Variants in ANKFN1 observed in about 807,000 individuals in gnomAD.
ANKFN1 encodes the protein ankyrin repeat and fibronectin type-III domain-containing protein 1.
Under a neutral mutation model 108.7 loss-of-function variants are expected in ANKFN1, and 74 were observed. The ratio of observed to expected loss-of-function variants is 0.68; its 90% CI spans 0.56 to 0.83. The LOEUF (loss-of-function observed/expected upper bound fraction) is 0.83, where lower values mean the gene tolerates loss of function less well. Among genes scored for constraint, ANKFN1 ranks in the 40% least tolerant of loss-of-function variants. The pLI is 0.00. For synonymous variants in ANKFN1, 547 were observed against 516.2 expected (o/e 1.06, Z -0.81); for missense variants, 1,505 against 1,382.3 (o/e 1.09, Z -1.41).
chr17:56,375,321 A>G (rs1435609553), intron 8 of ANKFN1, among the ~76,000 whole-genome samples: 1 of 152,204 alleles, frequency 6.6e-6, no homozygotes, highest in Admixed American at 6.5e-5. Flanking sequence ...CAACACAGGT[A>G]TAAAACCAAG....
intron 8 of ANKFN1, among the ~76,000 whole-genome samples, chr17:56,377,407 A>T (rs1425334690): frequency 6.6e-6 from 1 of 152,176 alleles, no homozygotes; most frequent in Non-Finnish European, 1.5e-5. Context: ...ATCAATTTCC[A>T]CATCAAACCT....
Position 56,076,735 on chromosome 17 carries a change from G to A in ANKFN1, c.288+30410G>A, listed in dbSNP as rs184641849. 6.7e-4 allele frequency among the ~76,000 whole-genome samples: 102 copies of A among 152,142 alleles called. 1 individual carries two copies. The highest frequency in any genetic ancestry group is 2.3e-3 in the African/African-American group (97 of 41,486). On this transcript the variant is annotated intron_variant, in intron 4 of 12. Coordinates refer to the ANKFN1 transcript ENST00000635860. Reference sequence around the variant, plus strand: ...AAGTAACTTTTGTAATGCAACCAGCGTACTATTTGATACAATTTAATAATT... The same window carrying A: ...AAGTAACTTTTGTAATGCAACCAGCATACTATTTGATACAATTTAATAATT...
upstream of ANKFN1, among the ~76,000 whole-genome samples, chr17:56,149,684 T>A (rs1033707391): frequency 6.6e-5 from 10 of 152,318 alleles, no homozygotes; most frequent in East Asian, 1.9e-3. Flanking sequence ...ATGAGAAGCC[T>A]TGAGGTTATG....
At chr17:56,422,162 T>G (rs2048424922) in intron 8 of ANKFN1, among the ~76,000 whole-genome samples, 1 of 152,194 alleles carries the variant, frequency 6.6e-6, no homozygotes, top group African/African-American at 2.4e-5. Context: ...TGTGCATAAA[T>G]TATGCATTTT....
chr17:56,105,700 G>GT (rs1905735515), intron 4 of ANKFN1, among the ~76,000 whole-genome samples: 2 of 113,386 alleles, frequency 1.8e-5, no homozygotes, highest in Admixed American at 2.0e-4. Flanking sequence ...GAGTTTTGGG[G>GT]GTTTTTTTGT....
intron 14 of ANKFN1, among the ~76,000 whole-genome samples, chr17:56,459,920 T>C (rs888693703): frequency 2.6e-5 from 4 of 152,176 alleles, no homozygotes; most frequent in Non-Finnish European, 5.9e-5. Flanking sequence ...ATTTCCTTCC[T>C]TGACCAGCTT....
rs1367430426 is a variant in ANKFN1 at position 56,513,062 on chromosome 17, AG to A, written c.*1795del. Among the ~76,000 whole-genome samples, 1 of 152,220 alleles carries A rather than the reference AG, an allele frequency of 6.6e-6. No individual in the cohort carries two copies. The highest frequency in any genetic ancestry group is 1.5e-5 in the Non-Finnish European group (1 of 68,054). ...AATTTATCTAAGTCCGTGGGTTTGC[AG>A]GTAGGGCAATTAAGACCCAGAGAGG... is the stretch of plus-strand genomic sequence containing the variant. On this transcript the variant is annotated 3_prime_UTR_variant, in exon 21 of 21. Coordinates refer to ENST00000682825, the MANE Select transcript of ANKFN1 (RefSeq NM_001370326.1).
intron 1 of ANKFN1, among the ~76,000 whole-genome samples, chr17:56,201,671 G>GAA (rs200036417): frequency 2.6e-4 from 38 of 145,972 alleles, no homozygotes; most frequent in East Asian, 6.0e-4. Context: ...TGTTATTTGT[G>GAA]AAAAAAAAAA....
At chr17:56,375,495 G>C (rs2046921588) in intron 8 of ANKFN1, among the ~76,000 whole-genome samples, 1 of 152,190 alleles carries the variant, frequency 6.6e-6, no homozygotes, top group Non-Finnish European at 1.5e-5. Flanking sequence ...TCGAAATTAA[G>C]GCTAGGGAGT....
Position 56,467,775 on chromosome 17 carries a change from G to A in ANKFN1, c.1773+1204G>A, listed in dbSNP as rs1179338335. On this transcript the variant is annotated intron_variant, in intron 15 of 20. Transcript: ENST00000682825. Reference sequence around the variant, plus strand: ...AGAAAGAAAGAAAGAAAGAAAGAAAGAAAGAAAGAAAGAAAGAAGAAAGAA... The same window carrying A: ...AGAAAGAAAGAAAGAAAGAAAGAAAAAAAGAAAGAAAGAAAGAAGAAAGAA... Among the ~76,000 whole-genome samples, 113 of 16,726 alleles carry A rather than the reference G, an allele frequency of 6.8e-3. 3 individuals are homozygous for A. The highest frequency in any genetic ancestry group is 0.015 in the African/African-American group (109 of 7,268). The allele number at this position is 16,726 out of a possible 152,430, so 11.0% of individuals were successfully genotyped here. A position where few individuals can be genotyped will look rare whatever the true frequency, so the allele number is the denominator to read the frequency against.
At chr17:56,243,479 C>T (rs1917734179) in intron 3 of ANKFN1, among the ~76,000 whole-genome samples, 1 of 152,118 alleles carries the variant, frequency 6.6e-6, no homozygotes. Context: ...TCAATAGTCC[C>T]AAGGACAGCG....
At chr17:56,300,062 G>T (rs1329438848) in intron 3 of ANKFN1, among the ~76,000 whole-genome samples, 3 of 152,198 alleles carry the variant, frequency 2.0e-5, no homozygotes, top group Non-Finnish European at 4.4e-5. Flanking sequence ...TCTGCCACCA[G>T]TTCTCTAGTT....
intron 1 of ANKFN1, among the ~76,000 whole-genome samples, chr17:56,211,530 C>T (rs1189298165): frequency 6.6e-6 from 1 of 152,080 alleles, no homozygotes; most frequent in Non-Finnish European, 1.5e-5. Flanking sequence ...AGTTTGAAGT[C>T]AGGTAATGTA....
At chr17:56,204,795 G>A (rs1278407534) in intron 1 of ANKFN1, among the ~76,000 whole-genome samples, 1 of 152,134 alleles carries the variant, frequency 6.6e-6, no homozygotes, top group Admixed American at 6.5e-5. Context: ...CTTTGTACTG[G>A]CTGGGCGCGG....
chr17:56,150,597 C>G (rs535600306), upstream of ANKFN1, among the ~76,000 whole-genome samples: 4 of 152,328 alleles, frequency 2.6e-5, no homozygotes, highest in South Asian at 8.3e-4. Context: ...GTAGATACAA[C>G]TGAATTCTAA....
At position 56,072,670 on chromosome 17, in the gene ANKFN1, G is replaced by A. The variant is rs145548047; in HGVS notation, c.288+26345G>A. Among the ~76,000 whole-genome samples, 49 of 152,190 alleles carry A rather than the reference G, an allele frequency of 3.2e-4. No homozygotes were observed. The East Asian group carries it at 8.5e-3, about 26-fold the overall frequency. On this transcript the variant is annotated intron_variant, in intron 4 of 12. Coordinates refer to the ANKFN1 transcript ENST00000635860. ...CTATCCTTGTAGCAGCTTTCTCTTC[G>A]GTAACTCACTTTGAGTGTTTTCAGA...
chr17:56,313,580 T>A (rs1360007730), intron 3 of ANKFN1, among the ~76,000 whole-genome samples: 1 of 152,170 alleles, frequency 6.6e-6, no homozygotes, highest in African/African-American at 2.4e-5. Context: ...GCAGCCTGGG[T>A]TCACATCCTG....
intron 4 of ANKFN1, among the ~76,000 whole-genome samples, chr17:56,121,561 G>A (rs1277965824): frequency 1.3e-5 from 2 of 151,922 alleles, no homozygotes; most frequent in Non-Finnish European, 2.9e-5. Flanking sequence ...CCTCCACCAA[G>A]AATGTCACAT....
intron 3 of ANKFN1, among the ~76,000 whole-genome samples, chr17:56,323,922 G>T (rs748428007): frequency 1.3e-5 from 2 of 152,166 alleles, no homozygotes; most frequent in Non-Finnish European, 2.9e-5. Context: ...CAGAGTATAA[G>T]GTGTCGTGCT....
Sources: allele counts gnomAD v4.1 joint callset (sites outside exome capture counted in the v4.1 genomes callset), GRCh38; gene constraint gnomAD v4.1.1; transcripts MANE v1.5; gene names NCBI Gene and HGNC (gene_info 2026-07-23, HGNC 2026-07-21).